AGBL1: variants seen among roughly 807,000 people sequenced by gnomAD.
AGBL1 encodes AGBL carboxypeptidase 1, also known as cytosolic carboxypeptidase 4.
Under a neutral mutation model 118.9 loss-of-function variants are expected in AGBL1, and 130 were observed. The observed-to-expected ratio is 1.09, with a 90% CI of 0.95 to 1.26. The LOEUF (loss-of-function observed/expected upper bound fraction) is 1.26, where lower values mean the gene tolerates loss of function less well. Among genes scored for constraint, AGBL1 ranks in the 50% most tolerant of loss-of-function variants. The pLI is 0.00. For synonymous variants in AGBL1, 555 were observed against 478.9 expected, an observed-to-expected ratio of 1.16 and a Z score of -2.08; for missense variants, 1,584 against 1,298.1, an observed-to-expected ratio of 1.22 and a Z score of -3.38.
intron 1 of AGBL1, among the ~76,000 whole-genome samples, chr15:86,089,927 A>C (rs543143941): frequency 2.0e-5 from 3 of 152,240 alleles, no homozygotes; most frequent in Admixed American, 2.0e-4. Context: ...AAATTTTTGC[A>C]CTGCAGAAGA....
chr15:86,666,062 T>C (rs2085638633), intron 21 of AGBL1, among the ~76,000 whole-genome samples: 1 of 152,206 alleles, frequency 6.6e-6, no homozygotes, highest in Admixed American at 6.5e-5. Flanking sequence ...TTGCCATGTA[T>C]TCTTCCAGAG....
At chr15:86,678,039 C>T (rs765779531) in intron 22 of AGBL1, among the ~76,000 whole-genome samples, 2 of 152,084 alleles carry the variant, frequency 1.3e-5, no homozygotes, top group Non-Finnish European at 2.9e-5. Flanking sequence ...TTATTGTGTA[C>T]CATATGATGC....
chr15:86,916,534 A>C (rs547429786), downstream of AGBL1, among the ~76,000 whole-genome samples: 2 of 152,260 alleles, frequency 1.3e-5, no homozygotes, highest in East Asian at 3.9e-4. Context: ...AATTTAGGAA[A>C]TGATGGTTTT....
intron 17 of AGBL1, among the ~76,000 whole-genome samples, chr15:86,327,043 G>A (rs1420702753): frequency 6.6e-6 from 1 of 152,028 alleles, no homozygotes; most frequent in African/African-American, 2.4e-5. Flanking sequence ...TAAAGGGAAT[G>A]GAAGGAAAAA....
chr15:86,166,120 A>G (rs905725565), intron 5 of AGBL1, among the ~76,000 whole-genome samples: 1 of 152,200 alleles, frequency 6.6e-6, no homozygotes, highest in Non-Finnish European at 1.5e-5. Context: ...AGAGAGGCTG[A>G]ACCAAGCCTT....
intron 1 of AGBL1, among the ~76,000 whole-genome samples, chr15:86,127,083 A>G (rs2076757142): frequency 6.6e-6 from 1 of 152,222 alleles, no homozygotes; most frequent in Non-Finnish European, 1.5e-5. Context: ...TTAAAGCTGT[A>G]GTCCCCAGTA....
At chr15:86,553,406 A>C (rs578131635) in intron 20 of AGBL1, among the ~76,000 whole-genome samples, 1 of 152,306 alleles carries the variant, frequency 6.6e-6, no homozygotes, top group South Asian at 2.1e-4. Context: ...AAGTAGTCAT[A>C]AATAAAATAT....
chr15:86,903,798 G>A (rs1218987791), intron 22 of AGBL1, among the ~76,000 whole-genome samples: 1 of 152,146 alleles, frequency 6.6e-6, no homozygotes, highest in African/African-American at 2.4e-5. Flanking sequence ...CCAGGACTTT[G>A]CTGATCCCTT....
chr15:87,014,608 G>A (rs990134686), intron 24 of AGBL1, among the ~76,000 whole-genome samples: 1 of 152,148 alleles, frequency 6.6e-6, no homozygotes, highest in Non-Finnish European at 1.5e-5. Flanking sequence ...TCAGATTAAC[G>A]GATATGTGCT....
At chr15:86,966,689 T>C (rs1374371603) in intron 23 of AGBL1, among the ~76,000 whole-genome samples, 2 of 152,172 alleles carry the variant, frequency 1.3e-5, no homozygotes, top group African/African-American at 4.8e-5. Flanking sequence ...TATTGCATGG[T>C]GTATATGTGC....
chr15:86,721,476 A>C (rs887426918), intron 22 of AGBL1, among the ~76,000 whole-genome samples: 2 of 152,230 alleles, frequency 1.3e-5, no homozygotes, highest in African/African-American at 2.4e-5. Flanking sequence ...CTCTCAATAA[A>C]TTAGGTATTG....
intron 1 of AGBL1, among the ~76,000 whole-genome samples, chr15:86,124,518 C>T (rs1408357932): frequency 6.6e-6 from 1 of 152,052 alleles, no homozygotes; most frequent in Non-Finnish European, 1.5e-5. Context: ...TTCCTTCAAT[C>T]TAAAATTATT....
At chr15:86,484,259 T>C (rs1266932558) in intron 18 of AGBL1, among the ~76,000 whole-genome samples, 1 of 151,964 alleles carries the variant, frequency 6.6e-6, no homozygotes, top group Non-Finnish European at 1.5e-5. Flanking sequence ...GGAAGGCTGA[T>C]AGAGGAGATG....
chr15:86,360,598 GT>G (rs2080790876), intron 17 of AGBL1, among the ~76,000 whole-genome samples: 1 of 151,870 alleles, frequency 6.6e-6, no homozygotes, highest in Admixed American at 6.6e-5. Context: ...TTTTGGCAGA[GT>G]TTAAGAAAGA....
intron 17 of AGBL1, among the ~76,000 whole-genome samples, chr15:86,367,726 A>G (rs1490585075): frequency 6.6e-6 from 1 of 152,212 alleles, no homozygotes; most frequent in East Asian, 1.9e-4. Context: ...GTGATCTCAG[A>G]AAAAGAGGCT....
chr15:86,541,211 T>G (rs1405419650), intron 19 of AGBL1, among the ~76,000 whole-genome samples: 2 of 152,300 alleles, frequency 1.3e-5, no homozygotes, highest in East Asian at 1.9e-4. Context: ...TCCTTTAGAC[T>G]AGAGGCTTTG....
intron 22 of AGBL1, among the ~76,000 whole-genome samples, chr15:86,781,324 C>G (rs1403098848): frequency 6.6e-6 from 1 of 152,054 alleles, no homozygotes; most frequent in Non-Finnish European, 1.5e-5. Context: ...TTTATTTATT[C>G]TCACGTTCCT....
chr15:86,729,896 A>G (rs184856637), intron 22 of AGBL1, among the ~76,000 whole-genome samples: 1 of 152,354 alleles, frequency 6.6e-6, no homozygotes, highest in East Asian at 1.9e-4. Context: ...CCGGCAGTAT[A>G]TAAGCATTCT....
intron 24 of AGBL1, among the ~76,000 whole-genome samples, chr15:87,006,764 G>T (rs191818039): frequency 6.6e-6 from 1 of 152,114 alleles, no homozygotes; most frequent in Admixed American, 6.5e-5. Flanking sequence ...CGTCTTCTGC[G>T]TCACTCACTC....
Sources: allele counts gnomAD v4.1 joint callset (sites outside exome capture counted in the v4.1 genomes callset), GRCh38; gene constraint gnomAD v4.1.1; transcripts MANE v1.5; gene names NCBI Gene and HGNC (gene_info 2026-07-23, HGNC 2026-07-21).